The following ZNF385D variants were observed in gnomAD, a reference collection of about 807,000 sequenced individuals.
ZNF385D encodes the protein zinc finger protein 659.
A neutral mutation model predicts 35.8 loss-of-function variants in ZNF385D; 15 were observed. The observed-to-expected ratio is 0.42, with a 90% CI of 0.28 to 0.64. The LOEUF (loss-of-function observed/expected upper bound fraction) is 0.64. Among genes scored for constraint, ZNF385D ranks in the 30% least tolerant of loss-of-function variants. The pLI is 0.23. For synonymous variants in ZNF385D, 212 were observed against 186.8 expected (o/e 1.13, Z -1.10); for missense variants, 474 against 494.6 (o/e 0.96, Z 0.39).
intron 3 of ZNF385D, among the ~76,000 whole-genome samples, chr3:21,781,110 A>C (rs1559616116): frequency 6.6e-6 from 1 of 152,070 alleles, no homozygotes; most frequent in African/African-American, 2.4e-5. Context: ...TAAGCAAGAG[A>C]GGTAACCCGG....
intron 3 of ZNF385D, among the ~76,000 whole-genome samples, chr3:21,563,624 T>G (rs1211265403): frequency 6.6e-6 from 1 of 152,222 alleles, no homozygotes; most frequent in Non-Finnish European, 1.5e-5. Context: ...CTGGAGAGGT[T>G]AAATACTGGA....
Position 22,011,593 on chromosome 3 carries a change from GAAGAA to G in ZNF385D, c.325+157219_325+157223del, listed in dbSNP as rs1219568210. Among the ~76,000 whole-genome samples, 4 of 152,140 alleles carry G rather than the reference GAAGAA, an allele frequency of 2.6e-5. No homozygotes were observed. The South Asian group carries it at 8.3e-4, about 32-fold the overall frequency. Reference sequence around the variant, plus strand: ...CATAAAATAAGGTTGTGGATTATCTGAAGAAAATTTTGTAATCTAAATAATAGTAA... The same window carrying G: ...CATAAAATAAGGTTGTGGATTATCTGAATTTTGTAATCTAAATAATAGTAA... On this transcript the variant is annotated intron_variant, in intron 3 of 5. Transcript: ENST00000494108.
chr3:21,691,386 A>T (rs1243825382), intron 1 of ZNF385D, among the ~76,000 whole-genome samples: 2 of 152,038 alleles, frequency 1.3e-5, no homozygotes, highest in African/African-American at 4.8e-5. Flanking sequence ...ACAGTTTTGT[A>T]ACTTTCCCCA....
chr3:22,197,813 T>C (rs1696522322), intron 2 of ZNF385D, among the ~76,000 whole-genome samples: 1 of 152,140 alleles, frequency 6.6e-6, no homozygotes, highest in Non-Finnish European at 1.5e-5. Flanking sequence ...GCTTAAAATA[T>C]CTACCTTACT....
chr3:22,160,292 T>C (rs1290350570), intron 3 of ZNF385D, among the ~76,000 whole-genome samples: 4 of 152,144 alleles, frequency 2.6e-5, no homozygotes, highest in Non-Finnish European at 5.9e-5. Flanking sequence ...AATAAAATTA[T>C]GCCAAAAGAG....
intron 1 of ZNF385D, among the ~76,000 whole-genome samples, chr3:21,743,528 G>C (rs867729419): frequency 6.6e-6 from 1 of 152,218 alleles, no homozygotes; most frequent in African/African-American, 2.4e-5. Flanking sequence ...TCAAGGCGTA[G>C]GCCTGGTTTG....
At chr3:22,287,040 G>T (rs2125390622) in intron 2 of ZNF385D, among the ~76,000 whole-genome samples, 1 of 152,046 alleles carries the variant, frequency 6.6e-6, no homozygotes, top group Non-Finnish European at 1.5e-5. Context: ...AACTTCTTTA[G>T]ATATTTATGT....
At chr3:21,638,433 T>C (rs907770513) in intron 2 of ZNF385D, among the ~76,000 whole-genome samples, 2 of 152,042 alleles carry the variant, frequency 1.3e-5, no homozygotes, top group African/African-American at 4.8e-5. Context: ...TTGGTATTTC[T>C]AAGTGCAGAG....
At chr3:22,209,762 CATT>C (rs756859980) in intron 2 of ZNF385D, among the ~76,000 whole-genome samples, 10 of 59,314 alleles carry the variant, frequency 1.7e-4, no homozygotes, top group African/African-American at 3.1e-4. Context: ...AAAGAACAAT[CATT>C]TTTTTTTTCA....
chr3:21,893,483 A>T (rs1474606185), intron 3 of ZNF385D, among the ~76,000 whole-genome samples: 2 of 152,174 alleles, frequency 1.3e-5, no homozygotes, highest in African/African-American at 4.8e-5. Flanking sequence ...ATGAGTCATG[A>T]TCTCCATAAA....
intron 2 of ZNF385D, among the ~76,000 whole-genome samples, chr3:21,622,615 T>C (rs1467513312): frequency 6.6e-6 from 1 of 152,130 alleles, no homozygotes; most frequent in Non-Finnish European, 1.5e-5. Context: ...ATATTACAGA[T>C]AAGAAAGTGT....
At chr3:21,813,258 A>C (rs1166233150) in intron 3 of ZNF385D, among the ~76,000 whole-genome samples, 1 of 152,198 alleles carries the variant, frequency 6.6e-6, no homozygotes, top group Non-Finnish European at 1.5e-5. Flanking sequence ...CAGCACAGAA[A>C]AGCTGAAAAT....
intron 3 of ZNF385D, among the ~76,000 whole-genome samples, chr3:22,040,502 T>C (rs1399564694): frequency 1.3e-5 from 2 of 152,226 alleles, no homozygotes; most frequent in African/African-American, 2.4e-5. Context: ...ATTGTAATTT[T>C]GATTTTCTAA....
intron 3 of ZNF385D, among the ~76,000 whole-genome samples, chr3:22,138,023 A>G (rs529411687): frequency 7.2e-5 from 11 of 152,272 alleles, no homozygotes; most frequent in Non-Finnish European, 1.6e-4. Context: ...GTATACACCA[A>G]TAACAGACAG....
intron 2 of ZNF385D, among the ~76,000 whole-genome samples, chr3:22,175,970 G>A (rs1246751225): frequency 6.7e-6 from 1 of 150,194 alleles, no homozygotes; most frequent in African/African-American, 2.4e-5. Context: ...AAATTATAGT[G>A]GGTCACAATA....
At position 21,492,803 on chromosome 3, in the gene ZNF385D, A is replaced by ATTAAT. The variant is rs1705535224; in HGVS notation, c.439+18057_439+18058insATTAA. Among the ~76,000 whole-genome samples the ATTAAT allele has an allele frequency of 2.6e-5, 4 of 151,340 alleles. No individual in the cohort carries two copies. In the South Asian group the frequency reaches 8.3e-4, roughly 32 times the overall value. ...AATAAATAAATAAATAAATAAATAA[A>ATTAAT]TAAATAAATAAATTTTGGCAGGATA... is the stretch of plus-strand genomic sequence containing the variant. On this transcript the variant is annotated intron_variant, in intron 4 of 7. Coordinates refer to ENST00000281523, the MANE Select transcript of ZNF385D (RefSeq NM_024697.3).
intron 1 of ZNF385D, among the ~76,000 whole-genome samples, chr3:21,711,891 C>T (rs751490908): frequency 6.6e-6 from 1 of 152,080 alleles, no homozygotes; most frequent in East Asian, 1.9e-4. Flanking sequence ...CTACAGAATA[C>T]AAGTATGGAA....
intron 3 of ZNF385D, among the ~76,000 whole-genome samples, chr3:21,546,228 A>G (rs921887092): frequency 6.6e-6 from 1 of 152,128 alleles, no homozygotes; most frequent in East Asian, 1.9e-4. Context: ...CCTACCAGCA[A>G]TCTCTGGCTG....
intron 3 of ZNF385D, among the ~76,000 whole-genome samples, chr3:21,975,508 A>G (rs1172549713): frequency 2.0e-5 from 3 of 152,220 alleles, no homozygotes; most frequent in Non-Finnish European, 1.5e-5. Flanking sequence ...ACTACACTCA[A>G]TAACGATTTA....
Sources: allele counts gnomAD v4.1 joint callset (sites outside exome capture counted in the v4.1 genomes callset), GRCh38; gene constraint gnomAD v4.1.1; transcripts MANE v1.5; gene names NCBI Gene and HGNC (gene_info 2026-07-23, HGNC 2026-07-21).